The following SYN3 variants were observed in gnomAD, a reference collection of about 807,000 sequenced individuals.
SYN3 encodes the protein synapsin III, also known as synapsin-3.
Under a neutral mutation model 65.8 loss-of-function variants are expected in SYN3, and 35 were observed. The observed-to-expected ratio is 0.53, with a 90% CI of 0.41 to 0.70. SYN3 has a LOEUF of 0.70. Ranked by LOEUF, SYN3 falls within the 30% of genes least tolerant of loss-of-function variation. The pLI is 0.00. For synonymous variants in SYN3, 270 were observed against 292.9 expected, an observed-to-expected ratio of 0.92 and a Z score of 0.80; for missense variants, 680 against 749.0, an observed-to-expected ratio of 0.91 and a Z score of 1.08.
Position 32,779,396 on chromosome 22 carries a change from G to A in SYN3, c.711+85519C>T, listed in dbSNP as rs535768175. On this transcript the variant is annotated intron_variant, in intron 6 of 13. Transcript: ENST00000358763. ...AATCACTTGAACCTGGGAGGCGGAG[G>A]TTGCAGTGAGCCGAGATGGCGCCAC... 2.6e-5 allele frequency among the ~76,000 whole-genome samples: 4 copies of A among 152,268 alleles called. No homozygotes were observed. The East Asian group carries it at 7.7e-4, about 29-fold the overall frequency.
intron 6 of SYN3, among the ~76,000 whole-genome samples, chr22:32,679,690 T>G (rs1465764180): frequency 1.3e-5 from 2 of 152,172 alleles, no homozygotes; most frequent in Non-Finnish European, 2.9e-5. Flanking sequence ...TGAGGTGATA[T>G]CTCAGTGTGG....
At chr22:32,534,143 C>T (rs894262476) in intron 9 of SYN3, among the ~76,000 whole-genome samples, 2 of 151,932 alleles carry the variant, frequency 1.3e-5, no homozygotes, top group Admixed American at 1.3e-4. Flanking sequence ...GAGAGAGACC[C>T]AGAGAAAGAA....
intron 4 of SYN3, among the ~76,000 whole-genome samples, chr22:32,904,045 A>T (rs1289919438): frequency 6.6e-6 from 1 of 152,212 alleles, no homozygotes; most frequent in Non-Finnish European, 1.5e-5. Flanking sequence ...TATTTCTCTT[A>T]ATCCTTGGCA....
At chr22:32,668,486 C>T (rs1257364866) in intron 6 of SYN3, among the ~76,000 whole-genome samples, 1 of 151,632 alleles carries the variant, frequency 6.6e-6, no homozygotes, top group African/African-American at 2.4e-5. Context: ...CCCTCATTTC[C>T]CCCTCCCTCC....
At chr22:32,581,014 TCAA>T (rs1379304485) in intron 7 of SYN3, among the ~76,000 whole-genome samples, 3 of 152,212 alleles carry the variant, frequency 2.0e-5, no homozygotes, top group Admixed American at 6.5e-5. Flanking sequence ...AGGAAGCAAA[TCAA>T]CATCTCTTAA....
chr22:32,711,208 T>C (rs1210259911), intron 6 of SYN3, among the ~76,000 whole-genome samples: 1 of 152,212 alleles, frequency 6.6e-6, no homozygotes, highest in African/African-American at 2.4e-5. Context: ...CCAGGATTTT[T>C]TGAGTGCACA....
At chr22:32,608,289 C>T (rs558232851) in intron 6 of SYN3, among the ~76,000 whole-genome samples, 27 of 152,298 alleles carry the variant, frequency 1.8e-4, no homozygotes, top group African/African-American at 6.3e-4. Context: ...AGAGTGGTCT[C>T]GAACTCCTGA....
chr22:32,892,615 G>C (rs1346604520), intron 4 of SYN3, among the ~76,000 whole-genome samples: 1 of 152,192 alleles, frequency 6.6e-6, no homozygotes, highest in East Asian at 1.9e-4. Context: ...GTATTGGAGA[G>C]ATCTATTTTA....
At chr22:32,609,238 G>A (rs1368009778) in intron 6 of SYN3, among the ~76,000 whole-genome samples, 1 of 151,954 alleles carries the variant, frequency 6.6e-6, no homozygotes, top group Non-Finnish European at 1.5e-5. Flanking sequence ...GGAGGAGAAT[G>A]GCGTGAATCC....
At chr22:32,738,341 G>A (rs528344282) in intron 6 of SYN3, among the ~76,000 whole-genome samples, 2 of 152,320 alleles carry the variant, frequency 1.3e-5, no homozygotes, top group South Asian at 4.1e-4. Context: ...GTGTGAACAC[G>A]ATGTCACTAA....
intron 6 of SYN3, among the ~76,000 whole-genome samples, chr22:32,830,891 G>A (rs917945187): frequency 6.6e-6 from 1 of 152,152 alleles, no homozygotes; most frequent in African/African-American, 2.4e-5. Context: ...CCAGAACACC[G>A]CGATCTGCTG....
chr22:33,036,175 C>A (rs1410945957), intron 1 of SYN3, among the ~76,000 whole-genome samples: 1 of 152,152 alleles, frequency 6.6e-6, no homozygotes, highest in Admixed American at 6.6e-5. Flanking sequence ...GACTAAATTT[C>A]CTGAAAACCT....
chr22:32,850,462 A>G (rs1237959075), intron 6 of SYN3, among the ~76,000 whole-genome samples: 1 of 152,086 alleles, frequency 6.6e-6, no homozygotes, highest in Non-Finnish European at 1.5e-5. Flanking sequence ...CTTAGCACAG[A>G]AGACTGGGGC....
intron 4 of SYN3, among the ~76,000 whole-genome samples, chr22:32,889,327 A>AG: frequency 6.6e-6 from 1 of 152,094 alleles, no homozygotes; most frequent in Admixed American, 6.5e-5. Flanking sequence ...CTCTTGCTTC[A>AG]GGGGGGCTTT....
chr22:32,643,488 A>C (rs1264613904), intron 6 of SYN3, among the ~76,000 whole-genome samples: 1 of 137,238 alleles, frequency 7.3e-6, no homozygotes, highest in Admixed American at 7.8e-5. Context: ...AAAAGCCCAG[A>C]GAGTCCTTGA....
intron 3 of SYN3, among the ~76,000 whole-genome samples, chr22:32,937,710 TA>T (rs2050813222): frequency 6.6e-6 from 1 of 152,096 alleles, no homozygotes; most frequent in Non-Finnish European, 1.5e-5. Context: ...CAGCGGGGAT[TA>T]CAATTCAACA....
intron 6 of SYN3, among the ~76,000 whole-genome samples, chr22:32,670,885 T>C (rs1485498900): frequency 6.6e-6 from 1 of 152,184 alleles, no homozygotes; most frequent in Middle Eastern, 3.2e-3. Flanking sequence ...CATGGGGGGA[T>C]TCCCCCCTTC....
chr22:32,705,246 G>A (rs1245981702), intron 6 of SYN3, among the ~76,000 whole-genome samples: 2 of 152,158 alleles, frequency 1.3e-5, no homozygotes, highest in African/African-American at 4.8e-5. Flanking sequence ...GTGTAAGGAA[G>A]GGGTCCAGTT....
chr22:32,989,721 G>A (rs1025191756), intron 2 of SYN3, among the ~76,000 whole-genome samples: 2 of 148,294 alleles, frequency 1.3e-5, no homozygotes, highest in African/African-American at 4.9e-5. Context: ...TGTAATCCCA[G>A]CTACTCGGGA....
Sources: allele counts gnomAD v4.1 joint callset (sites outside exome capture counted in the v4.1 genomes callset), GRCh38; gene constraint gnomAD v4.1.1; transcripts MANE v1.5; gene names NCBI Gene and HGNC (gene_info 2026-07-23, HGNC 2026-07-21).